Variants in CRIM1 observed in about 807,000 individuals in gnomAD.
The protein encoded by CRIM1 is cysteine-rich motor neuron 1 protein.
In CRIM1, 32 loss-of-function variants were observed where a neutral mutation model predicts 116.4. The ratio of observed to expected loss-of-function variants is 0.27; its 90% CI spans 0.21 to 0.37. CRIM1 has a LOEUF of 0.37. Among genes scored for constraint, CRIM1 ranks in the 10% least tolerant of loss-of-function variants. The pLI is 1.00. For missense variants in CRIM1, 1,331 were observed against 1,354.8 expected, an observed-to-expected ratio of 0.98 and a Z score of 0.28; for synonymous variants, 590 against 509.2, an observed-to-expected ratio of 1.16 and a Z score of -2.13.
intron 13 of CRIM1, chr2:36,529,493 A>G (rs573619435): frequency 1.3e-4 from 27 of 214,434 alleles, no homozygotes; most frequent in African/African-American, 5.4e-4. Flanking sequence ...TGACATTTTT[A>G]TATTTCCAAA....
intron 1 of CRIM1, among the ~76,000 whole-genome samples, chr2:36,364,517 A>G (rs1056468458): frequency 2.6e-5 from 4 of 152,190 alleles, no homozygotes; most frequent in Admixed American, 1.3e-4. Context: ...TCTAACCCAA[A>G]TCTGACCACC....
At chr2:36,430,119 T>A (rs1315596422) in intron 2 of CRIM1, among the ~76,000 whole-genome samples, 1 of 152,208 alleles carries the variant, frequency 6.6e-6, no homozygotes, top group Non-Finnish European at 1.5e-5. Context: ...ATACACACTG[T>A]ACTGCTTAAA....
chr2:36,486,346 G>T (rs1679815703), intron 7 of CRIM1, among the ~76,000 whole-genome samples: 1 of 152,194 alleles, frequency 6.6e-6, no homozygotes, highest in African/African-American at 2.4e-5. Flanking sequence ...GAGTTCTGCT[G>T]CTGGTTCTCC....
In CRIM1 at chr2:36,360,819, C is replaced by T. The variant is rs189607660; in HGVS notation, c.331+4196C>T. Among the ~76,000 whole-genome samples the T allele has an allele frequency of 3.9e-4, 60 of 152,156 alleles. 2 individuals are homozygous for T. In the East Asian group the frequency reaches 5.0e-3, roughly 13 times the overall value. ...GAATTTTAATTCACTCATTAAGTAA[C>T]GGGAGGGGGGCAAAATATCAGCTTC... On this transcript the variant is annotated intron_variant, in intron 1 of 16. Coordinates refer to ENST00000280527, the MANE Select transcript of CRIM1 (RefSeq NM_016441.3).
chr2:36,380,130 CT>C (rs1418029537), intron 1 of CRIM1, among the ~76,000 whole-genome samples: 1 of 152,158 alleles, frequency 6.6e-6, no homozygotes, highest in Non-Finnish European at 1.5e-5. Flanking sequence ...GTTCTGTTTC[CT>C]TCCCTGCAAG....
intron 1 of CRIM1, among the ~76,000 whole-genome samples, chr2:36,364,848 A>G (rs1243230957): frequency 6.6e-6 from 1 of 152,034 alleles, no homozygotes; most frequent in South Asian, 2.1e-4. Context: ...GTGTGTGTGT[A>G]TAGTATGTAT....
intron 8 of CRIM1, among the ~76,000 whole-genome samples, chr2:36,507,137 G>C (rs1681490010): frequency 6.6e-6 from 1 of 152,182 alleles, no homozygotes. Context: ...TGGGATTACA[G>C]GTTCCAGCCA....
rs17018748 is a variant in CRIM1, at chr2:36,412,425, G to A, written c.505+15638G>A. Among the ~76,000 whole-genome samples, 1,261 of 152,228 alleles carry A rather than the reference G, an allele frequency of 8.3e-3. 20 individuals carry two copies. The highest frequency in any genetic ancestry group is 0.028 in the African/African-American group (1,178 of 41,538). On this transcript the variant is annotated intron_variant, in intron 2 of 16. Coordinates refer to ENST00000280527, the MANE Select transcript of CRIM1 (RefSeq NM_016441.3). ...GGAGAAGCCTCCATATTTGGCCATC[G>A]AGAGATTGGCAGTGGGAATTCTTGG...
chr2:36,510,311 A>G (rs1293813155), intron 9 of CRIM1, among the ~76,000 whole-genome samples, 172 bp downstream of exon 9: 1 of 152,034 alleles, frequency 6.6e-6, no homozygotes, highest in Non-Finnish European at 1.5e-5. Context: ...TGTATCTCCA[A>G]AAAAAAAGAA....
chr2:36,420,242 G>A (rs1193704526), intron 2 of CRIM1, among the ~76,000 whole-genome samples: 1 of 152,084 alleles, frequency 6.6e-6, no homozygotes, highest in Non-Finnish European at 1.5e-5. Flanking sequence ...TGAGAATGTG[G>A]TGTTATTAAC....
chr2:36,382,004 C>G (rs1237640218), intron 1 of CRIM1, among the ~76,000 whole-genome samples: 1 of 152,156 alleles, frequency 6.6e-6, no homozygotes, highest in East Asian at 1.9e-4. Context: ...GGGTCTGTTA[C>G]CTCCCTCAAA....
intron 5 of CRIM1, among the ~76,000 whole-genome samples, chr2:36,475,958 T>C (rs1678944721): frequency 6.6e-6 from 1 of 152,190 alleles, no homozygotes; most frequent in African/African-American, 2.4e-5. Context: ...TTTGTTTATA[T>C]GTTGCTGGAT....
At chr2:36,531,674 TGAA>T (rs1666130581) in intron 13 of CRIM1, 1 of 291,918 alleles carries the variant, frequency 3.4e-6, no homozygotes, top group African/African-American at 2.2e-5. Context: ...TTTAAACAGT[TGAA>T]GAAGTTAACC....
chr2:36,356,473 G>A lies in CRIM1; in HGVS notation c.181G>A (p.Gly61Ser), dbSNP rs1668809634. ...GGGGAGCATCGTGCAGGGCGTCTGC[G>A]GCTGCTGCTACACGTGCGCCAGCCA... Reference protein sequence around the residue: ...CPGSIVQGVCGCCYTCASQRN... With the variant: ...CPGSIVQGVCSCCYTCASQRN... Residue 61 changes from glycine to serine, a missense_variant, in exon 1 of 17, where the codon GGC becomes AGC. Coordinates refer to ENST00000280527, the MANE Select transcript of CRIM1 (RefSeq NM_016441.3). The surrounding 1 kb of genome is among the most constrained non-coding windows in gnomAD (Gnocchi z 4.3). The A allele has an allele frequency of 3.1e-6, 5 of 1,612,092 alleles. No homozygotes were observed. The highest frequency in any genetic ancestry group is 4.2e-6 in the Non-Finnish European group (5 of 1,179,764).
At chr2:36,490,098 T>C (rs1238812532) in intron 7 of CRIM1, among the ~76,000 whole-genome samples, 2 of 152,148 alleles carry the variant, frequency 1.3e-5, no homozygotes. Flanking sequence ...CAGGCAGGGT[T>C]CAGAATGCTG....
rs1483093623 is a variant in CRIM1, at chr2:36,356,816, A to G, written c.331+193A>G. On this transcript the variant is annotated intron_variant, in intron 1 of 16. Coordinates refer to ENST00000280527, the MANE Select transcript of CRIM1 (RefSeq NM_016441.3). This position sits in a 1 kb window ranked among gnomAD's most constrained non-coding sequence, Gnocchi z 4.3. ...TCCTTGTTCCCCCCGACGCTTAGGC[A>G]GTCGCGGGCGAGGTTGGGTATGGTG... Among the ~76,000 whole-genome samples, 1 of 152,208 alleles carries G rather than the reference A, an allele frequency of 6.6e-6. No individual in the cohort carries two copies. The highest frequency in any genetic ancestry group is 1.5e-5 in the Non-Finnish European group (1 of 68,022).
intron 5 of CRIM1, among the ~76,000 whole-genome samples, chr2:36,473,902 T>A (rs1350531394): frequency 3.3e-5 from 5 of 152,172 alleles, no homozygotes; most frequent in Non-Finnish European, 7.3e-5. Context: ...CTTGATGATA[T>A]GATAACTCAA....
chr2:36,431,810 A>G, intron 2 of CRIM1, among the ~76,000 whole-genome samples: 1 of 152,188 alleles, frequency 6.6e-6, no homozygotes, highest in Non-Finnish European at 1.5e-5. Context: ...CCAGCCCCTC[A>G]TTTTACAGAT....
intron 12 of CRIM1, among the ~76,000 whole-genome samples, chr2:36,518,752 T>G (rs1665185273): frequency 6.6e-6 from 1 of 152,232 alleles, no homozygotes; most frequent in Non-Finnish European, 1.5e-5. Flanking sequence ...TCACTCAGAT[T>G]CAAACCCTAC....
Sources: gnomAD v4.1 joint callset for allele counts (sites outside exome capture counted in the v4.1 genomes callset) on GRCh38, gnomAD v4.1.1 for gene constraint, Gnocchi (gnomAD v3.1) non-coding constraint, MANE v1.5 for transcripts, NCBI Gene and HGNC (gene_info 2026-07-23, HGNC 2026-07-21) for gene names.